Variants in DPYSL5 observed in about 807,000 individuals in gnomAD.
The protein encoded by DPYSL5 is dihydropyrimidinase-related protein 5.
Under a neutral mutation model 58.4 loss-of-function variants are expected in DPYSL5, and 9 were observed. The ratio of observed to expected loss-of-function variants is 0.15; its 90% CI spans 0.09 to 0.27. DPYSL5 has a LOEUF of 0.27. Among genes scored for constraint, DPYSL5 ranks in the 10% least tolerant of loss-of-function variants. DPYSL5 has a pLI of 1.00. For missense variants in DPYSL5, 499 were observed against 770.6 expected (o/e 0.65, Z 4.17); for synonymous variants, 293 against 301.9 (o/e 0.97, Z 0.31).
In DPYSL5 at chr2:26,904,118, A is replaced by C. The variant is rs529383895; in HGVS notation, c.261+5358A>C. On this transcript the variant is annotated intron_variant, in intron 2 of 12. Coordinates refer to ENST00000288699, the MANE Select transcript of DPYSL5 (RefSeq NM_020134.4). ...CGGCCTAGGGGACAGCCAGTCTCGC[A>C]GGCTAGGGTGGCCTGCCACCCCTCA... Among the ~76,000 whole-genome samples the C allele has an allele frequency of 2.0e-5, 3 of 152,322 alleles. No individual in the cohort carries two copies. In the South Asian group the frequency reaches 6.2e-4, roughly 32 times the overall value.
chr2:26,895,580 A>G (rs1663990136), intron 1 of DPYSL5, among the ~76,000 whole-genome samples: 2 of 152,254 alleles, frequency 1.3e-5, no homozygotes, highest in African/African-American at 4.8e-5. Flanking sequence ...AGAGGTTAGA[A>G]CACTTGATAG....
intron 1 of DPYSL5, among the ~76,000 whole-genome samples, chr2:26,861,261 T>C (rs1165115132): frequency 1.3e-5 from 2 of 152,230 alleles, no homozygotes; most frequent in Admixed American, 1.3e-4. Flanking sequence ...TCAAATAGCT[T>C]TTCCAATATT....
At position 26,944,648 on chromosome 2, in the gene DPYSL5, T is replaced by C; in HGVS notation, c.1441-8T>C. 1 of 1,612,680 alleles carries C rather than the reference T, an allele frequency of 6.2e-7. No individual in the cohort carries two copies. The highest frequency in any genetic ancestry group is 8.5e-7 in the Non-Finnish European group (1 of 1,179,186). Reference sequence around the variant, plus strand: ...CTGTTCTTCTGCTCTTCTTCCATCCTTCCCTAGACTTTAAAGGTTAGAGGA... The same window carrying C: ...CTGTTCTTCTGCTCTTCTTCCATCCCTCCCTAGACTTTAAAGGTTAGAGGA... On this transcript the variant is annotated splice_polypyrimidine_tract_variant and splice_region_variant and intron_variant, in intron 11 of 12. Coordinates refer to ENST00000288699, the MANE Select transcript of DPYSL5 (RefSeq NM_020134.4). This position sits in a 1 kb window ranked among gnomAD's most constrained non-coding sequence, Gnocchi z 4.4.
rs141610139 is a variant in DPYSL5 at position 26,896,461 on chromosome 2, T to C, written c.-4-2035T>C. ...TTTTTAAGTTTTTAAGGATTCTGTATACTGTTTTCCATAATGGCTATACTA... is the reference window on the plus strand; with the variant it reads ...TTTTTAAGTTTTTAAGGATTCTGTACACTGTTTTCCATAATGGCTATACTA... On this transcript the variant is annotated intron_variant, in intron 1 of 12. Coordinates refer to ENST00000288699, the MANE Select transcript of DPYSL5 (RefSeq NM_020134.4). 5.1e-3 allele frequency among the ~76,000 whole-genome samples: 777 copies of C among 152,354 alleles called. 7 individuals are homozygous for C. The highest frequency in any genetic ancestry group is 0.013 in the South Asian group (64 of 4,830).
intron 1 of DPYSL5, among the ~76,000 whole-genome samples, chr2:26,854,809 C>A (rs545166596): frequency 6.6e-6 from 1 of 151,584 alleles, no homozygotes; most frequent in Non-Finnish European, 1.5e-5. Flanking sequence ...TTTTCTTTTT[C>A]TTTTTCTTTT....
At chr2:26,854,313 G>A (rs772240838) in intron 1 of DPYSL5, among the ~76,000 whole-genome samples, 1 of 152,072 alleles carries the variant, frequency 6.6e-6, no homozygotes, top group Non-Finnish European at 1.5e-5. Context: ...ACAAAAATTA[G>A]CCAGGCATGG....
chr2:26,889,632 C>G lies in DPYSL5; in HGVS notation c.-4-8864C>G, dbSNP rs1453510060. On this transcript the variant is annotated intron_variant, in intron 1 of 12. Coordinates refer to ENST00000288699, the MANE Select transcript of DPYSL5 (RefSeq NM_020134.4). ...CAAGAATGTTACCTGGATTTACTGC[C>G]TCAATTGGAGCAGAGGGAAGAGAGT... 2.0e-5 allele frequency among the ~76,000 whole-genome samples: 3 copies of G among 152,078 alleles called. No individual in the cohort carries two copies. In the East Asian group the frequency reaches 5.8e-4, roughly 29 times the overall value.
chr2:26,941,544 A>G (rs1665322395), intron 9 of DPYSL5, among the ~76,000 whole-genome samples: 1 of 152,238 alleles, frequency 6.6e-6, no homozygotes, highest in Non-Finnish European at 1.5e-5. Flanking sequence ...AAGAGAGTCC[A>G]TAGTACTCTC....
rs986708268 is a variant in DPYSL5 at position 26,924,611 on chromosome 2, G to A, written c.262-276G>A. On this transcript the variant is annotated intron_variant, in intron 2 of 12. Transcript: ENST00000288699. The surrounding 1 kb of genome is among the most constrained non-coding windows in gnomAD (Gnocchi z 4.7). Reference sequence around the variant, plus strand: ...TCATTGGGAAGATAGGCCTTAGGTCGGGTGACCCACGATGTGGTTTTTCCA... The same window carrying A: ...TCATTGGGAAGATAGGCCTTAGGTCAGGTGACCCACGATGTGGTTTTTCCA... Among the ~76,000 whole-genome samples, 2 of 152,126 alleles carry A rather than the reference G, an allele frequency of 1.3e-5. No individual in the cohort carries two copies. The highest frequency in any genetic ancestry group is 4.8e-5 in the African/African-American group (2 of 41,420).
At chr2:26,885,070 G>A (rs1452215768) in intron 1 of DPYSL5, among the ~76,000 whole-genome samples, 1 of 152,002 alleles carries the variant, frequency 6.6e-6, no homozygotes, top group Non-Finnish European at 1.5e-5. Flanking sequence ...GTGGTGGCAG[G>A]TACCTGTAAT....
At chr2:26,903,317 G>A (rs145696715) in intron 2 of DPYSL5, among the ~76,000 whole-genome samples, 74 of 152,226 alleles carry the variant, frequency 4.9e-4, no homozygotes, top group Non-Finnish European at 3.4e-4. Flanking sequence ...TGATCCACCC[G>A]CTTCGGCCTC....
chr2:26,908,492 G>A (rs139398193), intron 2 of DPYSL5, among the ~76,000 whole-genome samples: 210 of 152,272 alleles, frequency 1.4e-3, no homozygotes, highest in African/African-American at 4.8e-3. Flanking sequence ...TTAATTGGTA[G>A]GCCAAAATGT....
At chr2:26,901,644 G>A (rs995613097) in intron 2 of DPYSL5, among the ~76,000 whole-genome samples, 3 of 152,114 alleles carry the variant, frequency 2.0e-5, no homozygotes, top group African/African-American at 7.2e-5. Flanking sequence ...GTTTATAATA[G>A]AACAGTAATC....
At chr2:26,884,520 T>TCA (rs3070961) in intron 1 of DPYSL5, among the ~76,000 whole-genome samples, 6,287 of 145,580 alleles carry the variant, frequency 0.043, 171 homozygotes, top group South Asian at 0.073. Context: ...TTGTCCTATC[T>TCA]CACACACACA....
In DPYSL5 at chr2:26,923,629, T is replaced by C. The variant is rs116208858; in HGVS notation, c.262-1258T>C. Among the ~76,000 whole-genome samples the C allele has an allele frequency of 3.1e-3, 478 of 152,280 alleles. 4 individuals carry two copies. Among genetic ancestry groups the C allele is most frequent in the African/African-American group, 0.011 (452 of 41,552 alleles). ...TTTGTCTTAGAGCCCTCACAAAGAC[T>C]CTCATGTTATGGGACTCTCAATTAT... is the stretch of plus-strand genomic sequence containing the variant. On this transcript the variant is annotated intron_variant, in intron 2 of 12. Coordinates refer to ENST00000288699, the MANE Select transcript of DPYSL5 (RefSeq NM_020134.4).
At chr2:26,908,510 G>T (rs1256893243) in intron 2 of DPYSL5, among the ~76,000 whole-genome samples, 1 of 152,196 alleles carries the variant, frequency 6.6e-6, no homozygotes, top group Non-Finnish European at 1.5e-5. Flanking sequence ...TGTAGGCCAG[G>T]TTGATCCTTC....
At chr2:26,894,891 TAAGGG>T (rs1434146825) in intron 1 of DPYSL5, among the ~76,000 whole-genome samples, 7 of 152,220 alleles carry the variant, frequency 4.6e-5, no homozygotes, top group African/African-American at 1.7e-4. Context: ...CATTTAATGC[TAAGGG>T]AAGGGAGCTC....
intron 1 of DPYSL5, among the ~76,000 whole-genome samples, chr2:26,879,914 A>G (rs1174434572): frequency 2.0e-5 from 3 of 151,634 alleles, no homozygotes; most frequent in Non-Finnish European, 4.4e-5. Flanking sequence ...TTGTTGAGAC[A>G]GGGTCTCACT....
chr2:26,887,982 A>G (rs1663761538), intron 1 of DPYSL5, among the ~76,000 whole-genome samples: 1 of 152,228 alleles, frequency 6.6e-6, no homozygotes, highest in African/African-American at 2.4e-5. Context: ...GGAAGGCATC[A>G]TTACTTCCCT....
Sources: allele counts gnomAD v4.1 joint callset (sites outside exome capture counted in the v4.1 genomes callset), GRCh38; gene constraint gnomAD v4.1.1; non-coding constraint Gnocchi (gnomAD v3.1); transcripts MANE v1.5; gene names NCBI Gene and HGNC (gene_info 2026-07-23, HGNC 2026-07-21).